The following PARVB variants were observed in gnomAD, a reference collection of about 807,000 sequenced individuals.
PARVB encodes beta-parvin.
A neutral mutation model predicts 47.0 loss-of-function variants in PARVB; 46 were observed. The ratio of observed to expected loss-of-function variants is 0.98; its 90% CI spans 0.77 to 1.25. The LOEUF (loss-of-function observed/expected upper bound fraction) is 1.25. Among genes scored for constraint, PARVB ranks in the 50% most tolerant of loss-of-function variants. PARVB has a pLI of 0.00. For missense variants in PARVB, 473 were observed against 471.6 expected, an observed-to-expected ratio of 1.00 and a Z score of -0.03; for synonymous variants, 196 against 196.3, an observed-to-expected ratio of 1.00 and a Z score of 0.01.
chr22:44,098,421 C>T (rs991034530), intron 2 of PARVB, among the ~76,000 whole-genome samples: 3 of 152,018 alleles, frequency 2.0e-5, no homozygotes, highest in African/African-American at 7.3e-5. Context: ...GAAACATGGG[C>T]CAGGGAGAGA....
At chr22:44,120,357 C>T (rs1385286819) in intron 4 of PARVB, among the ~76,000 whole-genome samples, 5 of 152,228 alleles carry the variant, frequency 3.3e-5, no homozygotes, top group Non-Finnish European at 7.3e-5. Context: ...GAACCGCCTT[C>T]CCTTTCCCTC....
upstream of PARVB, among the ~76,000 whole-genome samples, chr22:44,021,262 G>T (rs1246419247): frequency 1.3e-5 from 2 of 152,220 alleles, no homozygotes; most frequent in African/African-American, 4.8e-5. Flanking sequence ...GACTCCTCCT[G>T]AAATGGGGGT....
At chr22:44,159,186 A>G (rs2053999440) in intron 11 of PARVB, among the ~76,000 whole-genome samples, 1 of 152,246 alleles carries the variant, frequency 6.6e-6, no homozygotes, top group African/African-American at 2.4e-5. Flanking sequence ...AGGTCAGACC[A>G]TCCAGCGAAG....
intron 12 of PARVB, among the ~76,000 whole-genome samples, chr22:44,167,659 G>A (rs10428052): frequency 0.12 from 18,708 of 151,658 alleles, 1,294 homozygotes; most frequent in African/African-American, 0.15. Context: ...GACTCTTCAG[G>A]TCAGGGGGAG....
At chr22:44,006,263 T>TC (rs1440137890) in intron 2 of PARVB, among the ~76,000 whole-genome samples, 1 of 150,588 alleles carries the variant, frequency 6.6e-6, no homozygotes, top group Non-Finnish European at 1.5e-5. Context: ...TGGAATGCTT[T>TC]CAATAGTGTA....
intron 1 of PARVB, among the ~76,000 whole-genome samples, chr22:44,073,472 C>T (rs563864822): frequency 1.3e-5 from 2 of 152,144 alleles, no homozygotes; most frequent in Non-Finnish European, 2.9e-5. Context: ...CTAGCCTGGG[C>T]GACAGAGTGA....
intron 4 of PARVB, among the ~76,000 whole-genome samples, chr22:44,127,551 G>A (rs1185977345): frequency 6.6e-6 from 1 of 152,210 alleles, no homozygotes; most frequent in Non-Finnish European, 1.5e-5. Context: ...CTGTGCATCC[G>A]TAGTAGAGAA....
intron 10 of PARVB, among the ~76,000 whole-genome samples, chr22:44,157,326 C>A (rs1247796008): frequency 6.6e-6 from 1 of 152,132 alleles, no homozygotes; most frequent in Non-Finnish European, 1.5e-5. Context: ...TCACGACAGC[C>A]CTGAATGATG....
intron 4 of PARVB, among the ~76,000 whole-genome samples, chr22:44,121,332 A>T (rs926639195): frequency 1.3e-5 from 2 of 152,052 alleles, no homozygotes; most frequent in Admixed American, 1.3e-4. Flanking sequence ...TGGTCTCTAG[A>T]GGGGCAGACT....
chr22:44,075,340 C>G (rs965105796), intron 1 of PARVB, among the ~76,000 whole-genome samples: 2 of 152,202 alleles, frequency 1.3e-5, no homozygotes, highest in Non-Finnish European at 2.9e-5. Flanking sequence ...AAGTTCACAG[C>G]AGAATTGAGT....
At chr22:44,133,362 C>A (rs967470695) in intron 6 of PARVB, among the ~76,000 whole-genome samples, 2 of 152,160 alleles carry the variant, frequency 1.3e-5, no homozygotes, top group African/African-American at 4.8e-5. Flanking sequence ...ATGAAACAGA[C>A]ACCCAAATTA....
intron 6 of PARVB, among the ~76,000 whole-genome samples, chr22:44,133,879 C>T (rs944968929): frequency 5.9e-5 from 9 of 152,208 alleles, no homozygotes; most frequent in Non-Finnish European, 1.0e-4. Flanking sequence ...GCCTAGGGTT[C>T]GTGTGTGCAG....
chr22:44,073,819 G>A (rs997258878), intron 1 of PARVB, among the ~76,000 whole-genome samples: 4 of 152,258 alleles, frequency 2.6e-5, no homozygotes, highest in African/African-American at 9.6e-5. Flanking sequence ...TCCCACACTG[G>A]GTCTGTGGTG....
In PARVB at chr22:44,168,741, T is replaced by G. The variant is rs984152459; in HGVS notation, c.*63T>G. ...AGAAAGGCGGCATCCGTCTGTGCCCTGTGCCTTTCCAGGGAGCCAGGCGCC... is the reference window on the plus strand; with the variant it reads ...AGAAAGGCGGCATCCGTCTGTGCCCGGTGCCTTTCCAGGGAGCCAGGCGCC... On this transcript the variant is annotated 3_prime_UTR_variant, in exon 13 of 13. Transcript: ENST00000338758. 6.6e-5 allele frequency: 78 copies of G among 1,190,766 alleles called. No homozygotes were observed. Among genetic ancestry groups the G allele is most frequent in the Non-Finnish European group, 6.2e-5 (49 of 796,726 alleles). The allele number at this position is 1,190,766 out of a possible 1,614,324, so 73.8% of individuals were successfully genotyped here. A position where few individuals can be genotyped will look rare whatever the true frequency, so the allele number is the denominator to read the frequency against.
intron 3 of PARVB, among the ~76,000 whole-genome samples, chr22:44,101,775 A>C (rs1308203612): frequency 6.6e-6 from 1 of 151,906 alleles, no homozygotes; most frequent in African/African-American, 2.4e-5. Flanking sequence ...AAGAAATTCC[A>C]AATGTCAGTT....
intron 2 of PARVB, among the ~76,000 whole-genome samples, chr22:44,009,929 C>G (rs543559352): frequency 1.3e-5 from 2 of 151,562 alleles, no homozygotes; most frequent in African/African-American, 4.9e-5. Flanking sequence ...GCCTCAGCCT[C>G]TCGAGTAGCT....
chr22:44,026,064 A>G (rs2050723158), intron 1 of PARVB, among the ~76,000 whole-genome samples: 1 of 152,208 alleles, frequency 6.6e-6, no homozygotes, highest in Non-Finnish European at 1.5e-5. Flanking sequence ...CAGAGGAAAA[A>G]GTCTTTCATA....
intron 1 of PARVB, among the ~76,000 whole-genome samples, chr22:44,079,360 G>A (rs147083712): frequency 3.9e-5 from 6 of 152,326 alleles, no homozygotes; most frequent in Admixed American, 3.3e-4. Flanking sequence ...AGGGACAGTA[G>A]CAGGATCGAG....
At chr22:44,081,305 C>G (rs539892094) in intron 1 of PARVB, among the ~76,000 whole-genome samples, 2 of 152,090 alleles carry the variant, frequency 1.3e-5, no homozygotes, top group Admixed American at 1.3e-4. Context: ...CGAAGCAGGC[C>G]GGGTCCTCCT....
Sources: gnomAD v4.1 joint callset for allele counts (sites outside exome capture counted in the v4.1 genomes callset) on GRCh38, gnomAD v4.1.1 for gene constraint, MANE v1.5 for transcripts, NCBI Gene and HGNC (gene_info 2026-07-23, HGNC 2026-07-21) for gene names.